The following NTM variants were observed in gnomAD, a reference collection of about 807,000 sequenced individuals.
NTM encodes the protein IgLON family member 2.
Under a neutral mutation model 42.1 loss-of-function variants are expected in NTM, and 13 were observed. That is an observed-to-expected ratio of 0.31 (90% CI 0.20 to 0.49). The LOEUF (loss-of-function observed/expected upper bound fraction) is 0.49, where lower values mean the gene tolerates loss of function less well. Ranked by LOEUF, NTM falls within the 20% of genes least tolerant of loss-of-function variation. The pLI, the probability that NTM is intolerant of heterozygous loss-of-function variation, is 0.99. For synonymous variants in NTM, 187 were observed against 179.2 expected (o/e 1.04, Z -0.35); for missense variants, 373 against 452.8 (o/e 0.82, Z 1.60).
chr11:132,141,956 G>A (rs765729506), intron 2 of NTM, among the ~76,000 whole-genome samples: 1 of 152,154 alleles, frequency 6.6e-6, no homozygotes, highest in East Asian at 1.9e-4. Flanking sequence ...GCTGCAGTGC[G>A]GGGCAACTGG....
chr11:131,694,992 C>A (rs1000980124), intron 1 of NTM, among the ~76,000 whole-genome samples: 7 of 152,152 alleles, frequency 4.6e-5, no homozygotes, highest in Non-Finnish European at 1.0e-4. Flanking sequence ...GAAATTGCGA[C>A]CTGCTGCCAC....
At chr11:131,627,383 C>A (rs1795125936) in intron 1 of NTM, among the ~76,000 whole-genome samples, 1 of 151,890 alleles carries the variant, frequency 6.6e-6, no homozygotes, top group Non-Finnish European at 1.5e-5. Context: ...TACTTTATAG[C>A]AAATGTTACT....
At chr11:131,813,627 G>C (rs1192822162) in intron 1 of NTM, among the ~76,000 whole-genome samples, 2 of 152,206 alleles carry the variant, frequency 1.3e-5, no homozygotes, top group Non-Finnish European at 2.9e-5. Context: ...TTTGGATGCA[G>C]ACAGCTCAGC....
intron 4 of NTM, among the ~76,000 whole-genome samples, chr11:132,272,309 G>C (rs539510975): frequency 6.6e-6 from 1 of 152,232 alleles, no homozygotes; most frequent in East Asian, 1.9e-4. Context: ...ATCTGGAAAT[G>C]TGGGTTCTTT....
At chr11:131,555,282 A>G (rs541871623) in intron 1 of NTM, among the ~76,000 whole-genome samples, 2 of 152,368 alleles carry the variant, frequency 1.3e-5, no homozygotes, top group African/African-American at 4.8e-5. Context: ...ATATATTTAT[A>G]CTTTGTGTTA....
At chr11:132,299,921 T>TATAG (rs1207674266) in intron 4 of NTM, among the ~76,000 whole-genome samples, 1 of 151,914 alleles carries the variant, frequency 6.6e-6, no homozygotes, top group Admixed American at 6.6e-5. Flanking sequence ...TACATATATA[T>TATAG]ATAGATATAA....
rs189897306 is a variant in NTM at position 131,944,786 on chromosome 11, A to G, written c.167+33138A>G. ...TTGGAGTATATGCCTGATCACACTC[A>G]AAGGGGTGTCGTGGAAATGTATCAT... On this transcript the variant is annotated intron_variant, in intron 2 of 8. Coordinates refer to ENST00000683400, the MANE Select transcript of NTM (RefSeq NM_001352005.2). Among the ~76,000 whole-genome samples, 248 of 152,336 alleles carry G rather than the reference A, an allele frequency of 1.6e-3. 2 individuals are homozygous for G. Among genetic ancestry groups the G allele is most frequent in the African/African-American group, 5.3e-3 (219 of 41,584 alleles).
intron 2 of NTM, among the ~76,000 whole-genome samples, chr11:132,007,202 C>G (rs1371095548): frequency 6.6e-6 from 1 of 152,232 alleles, no homozygotes; most frequent in Non-Finnish European, 1.5e-5. Flanking sequence ...CTGACTGTTA[C>G]AGAGTCTGAT....
At chr11:132,009,730 T>C (rs556122796) in intron 2 of NTM, among the ~76,000 whole-genome samples, 1 of 152,358 alleles carries the variant, frequency 6.6e-6, no homozygotes, top group South Asian at 2.1e-4. Context: ...TGCCTCCCTG[T>C]TGACCTCTTT....
intron 2 of NTM, among the ~76,000 whole-genome samples, chr11:131,972,686 C>A (rs1048880056): frequency 6.6e-6 from 1 of 152,088 alleles, no homozygotes; most frequent in Non-Finnish European, 1.5e-5. Context: ...TGATGGAACC[C>A]CCGCATAATG....
At chr11:131,664,768 T>G (rs1378994620) in intron 1 of NTM, among the ~76,000 whole-genome samples, 1 of 151,196 alleles carries the variant, frequency 6.6e-6, no homozygotes, top group East Asian at 1.9e-4. Context: ...TTTTTTTTTT[T>G]TTTTTTTTTT....
rs182985790 is a variant in NTM, at chr11:131,521,522, C to T, written c.82+150634C>T. ...CTCCCAGGTTCAAGCCATTCTCCTG[C>T]CTCAGCCTCCCGAGTAGCTGGGACT... On this transcript the variant is annotated intron_variant, in intron 1 of 8. Transcript: ENST00000683400. 3.0e-3 allele frequency among the ~76,000 whole-genome samples: 455 copies of T among 149,424 alleles called. 3 individuals are homozygous for T. Among genetic ancestry groups the T allele is most frequent in the African/African-American group, 0.01 (417 of 40,814 alleles).
At chr11:132,082,260 G>A (rs945007737) in intron 2 of NTM, among the ~76,000 whole-genome samples, 2 of 151,986 alleles carry the variant, frequency 1.3e-5, no homozygotes, top group African/African-American at 4.8e-5. Flanking sequence ...CACATTGAAA[G>A]GTGAGGAGGG....
intron 1 of NTM, among the ~76,000 whole-genome samples, chr11:131,391,016 C>T (rs976048875): frequency 6.6e-6 from 1 of 152,144 alleles, no homozygotes; most frequent in African/African-American, 2.4e-5. Context: ...TGTGCTGACC[C>T]ATCTGTCCTG....
At chr11:131,547,477 C>T (rs571645938) in intron 1 of NTM, among the ~76,000 whole-genome samples, 17 of 152,238 alleles carry the variant, frequency 1.1e-4, no homozygotes, top group African/African-American at 3.4e-4. Context: ...AGATGCCAGG[C>T]GCTAACCGTG....
At chr11:131,507,615 G>A (rs1354182200) in intron 1 of NTM, among the ~76,000 whole-genome samples, 1 of 149,866 alleles carries the variant, frequency 6.7e-6, no homozygotes, top group Non-Finnish European at 1.5e-5. Context: ...TAGCTTGATG[G>A]GGATGGCATT....
At chr11:131,471,553 C>T (rs1416809981) in intron 1 of NTM, among the ~76,000 whole-genome samples, 2 of 152,170 alleles carry the variant, frequency 1.3e-5, no homozygotes, top group South Asian at 2.1e-4. Context: ...GCAGGGTGGC[C>T]GTGAGGGAAT....
At chr11:131,991,645 A>G (rs1484285763) in intron 2 of NTM, among the ~76,000 whole-genome samples, 1 of 152,220 alleles carries the variant, frequency 6.6e-6, no homozygotes, top group African/African-American at 2.4e-5. Context: ...TTTAGGACAC[A>G]GGGAAAGAGT....
chr11:131,962,101 C>T (rs1427330178), intron 2 of NTM, among the ~76,000 whole-genome samples: 1 of 152,070 alleles, frequency 6.6e-6, no homozygotes. Flanking sequence ...TCATTCTGAG[C>T]CCCTTCCCTC....
Sources: gnomAD v4.1 joint callset for allele counts (sites outside exome capture counted in the v4.1 genomes callset) on GRCh38, gnomAD v4.1.1 for gene constraint, MANE v1.5 for transcripts, NCBI Gene and HGNC (gene_info 2026-07-23, HGNC 2026-07-21) for gene names.